The following TBC1D5 variants were observed in gnomAD, a reference collection of about 807,000 sequenced individuals.
TBC1D5 encodes TBC1 domain family member 5, also known as TBC1 domain family, member 5.
Under a neutral mutation model 100.3 loss-of-function variants are expected in TBC1D5, and 75 were observed. That is an observed-to-expected ratio of 0.75 (90% CI 0.62 to 0.91). The LOEUF is 0.91. TBC1D5 is among the 40% of genes least tolerant of loss of function. The pLI, the probability that TBC1D5 is intolerant of heterozygous loss-of-function variation, is 0.00. For synonymous variants in TBC1D5, 323 were observed against 325.6 expected (o/e 0.99, Z 0.09); for missense variants, 910 against 942.4 (o/e 0.97, Z 0.45).
intron 16 of TBC1D5, among the ~76,000 whole-genome samples, chr3:17,255,776 C>T (rs1175898758): frequency 3.3e-5 from 5 of 152,146 alleles, no homozygotes; most frequent in Admixed American, 6.5e-5. Flanking sequence ...CAGTGGCTCA[C>T]GCCTGCAATC....
At chr3:17,157,325 A>G (rs564714907) in exon 22 of TBC1D5, 2 of 152,392 alleles carry the variant, frequency 1.3e-5, no homozygotes, top group African/African-American at 2.4e-5. Flanking sequence ...AATCAAATGA[A>G]TTGTGCCACT....
intron 1 of TBC1D5, among the ~76,000 whole-genome samples, chr3:17,681,170 CG>C (rs2069410929): frequency 1.3e-5 from 2 of 151,638 alleles, no homozygotes; most frequent in African/African-American, 4.9e-5. Context: ...GGCTTCATAC[CG>C]TAACTAACTG....
At chr3:17,386,123 G>A (rs1213267119) in intron 8 of TBC1D5, among the ~76,000 whole-genome samples, 4 of 152,146 alleles carry the variant, frequency 2.6e-5, no homozygotes, top group East Asian at 1.9e-4. Context: ...ATTAAGCTAC[G>A]AATAGAATAA....
chr3:17,335,119 A>G (rs2087506188), intron 13 of TBC1D5, among the ~76,000 whole-genome samples: 1 of 152,168 alleles, frequency 6.6e-6, no homozygotes, highest in Non-Finnish European at 1.5e-5. Flanking sequence ...AATGGCAAAT[A>G]TTAATTTGAT....
intron 21 of TBC1D5, among the ~76,000 whole-genome samples, chr3:17,162,047 T>G (rs1484091332): frequency 1.3e-5 from 2 of 152,246 alleles, no homozygotes. Flanking sequence ...AAGTTAACAT[T>G]CACGAACACA....
intron 1 of TBC1D5, among the ~76,000 whole-genome samples, chr3:17,651,465 T>C (rs2065551792): frequency 6.6e-6 from 1 of 152,224 alleles, no homozygotes; most frequent in Non-Finnish European, 1.5e-5. Context: ...ATCTTCAAAA[T>C]GTTCCATACT....
chr3:17,214,305 T>C, exon 18 of TBC1D5: 23 of 1,613,364 alleles, frequency 1.4e-5, no homozygotes, highest in Non-Finnish European at 1.9e-5. Context: ...GGAGAGCCAG[T>C]GAATTCTCTT....
chr3:17,314,409 C>T (rs957150997), intron 13 of TBC1D5, among the ~76,000 whole-genome samples: 3 of 152,162 alleles, frequency 2.0e-5, no homozygotes, highest in Non-Finnish European at 4.4e-5. Context: ...CCTGAACATA[C>T]ATTCTAAGCA....
chr3:17,477,531 T>C (rs573664206), intron 3 of TBC1D5, among the ~76,000 whole-genome samples: 2 of 152,132 alleles, frequency 1.3e-5, no homozygotes, highest in African/African-American at 2.4e-5. Context: ...TCAATGGTTA[T>C]AGTATCACGC....
intron 16 of TBC1D5, among the ~76,000 whole-genome samples, chr3:17,240,980 G>A (rs1559473533): frequency 6.6e-6 from 1 of 152,124 alleles, no homozygotes. Flanking sequence ...GCTCTTAAAA[G>A]GGGATGAGCA....
intron 1 of TBC1D5, among the ~76,000 whole-genome samples, chr3:17,677,813 G>A (rs2068847466): frequency 6.6e-6 from 1 of 152,166 alleles, no homozygotes; most frequent in African/African-American, 2.4e-5. Flanking sequence ...ATACAATGCA[G>A]CCATAAAAAA....
chr3:17,443,371 ACG>A (rs2094710376), intron 3 of TBC1D5, among the ~76,000 whole-genome samples: 1 of 152,144 alleles, frequency 6.6e-6, no homozygotes, highest in Non-Finnish European at 1.5e-5. Context: ...GAACAATACC[ACG>A]TGCTGGATAC....
chr3:17,300,036 G>T (rs2082673861), intron 14 of TBC1D5, among the ~76,000 whole-genome samples: 1 of 151,824 alleles, frequency 6.6e-6, no homozygotes, highest in Admixed American at 6.6e-5. Flanking sequence ...TTTAAAAAAG[G>T]AAACATTAAA....
chr3:17,230,139 G>GT (rs946971007), intron 17 of TBC1D5, among the ~76,000 whole-genome samples: 30 of 151,598 alleles, frequency 2.0e-4, no homozygotes, highest in South Asian at 1.9e-3. Flanking sequence ...ACCATTTTTT[G>GT]TTTTTTTTGG....
intron 20 of TBC1D5, among the ~76,000 whole-genome samples, chr3:17,167,215 A>C (rs1278096490): frequency 1.3e-5 from 2 of 152,124 alleles, no homozygotes; most frequent in African/African-American, 4.8e-5. Flanking sequence ...AGGAAGCACA[A>C]TTTGCCTGTA....
intron 8 of TBC1D5, among the ~76,000 whole-genome samples, chr3:17,386,773 G>A (rs776986484): frequency 6.6e-6 from 1 of 152,090 alleles, no homozygotes; most frequent in African/African-American, 2.4e-5. Flanking sequence ...TTCACGAATC[G>A]TTCATTGCTC....
chr3:17,374,784 GAAA>G (rs1332051579), intron 10 of TBC1D5, 105 bp from the exon 11 acceptor site: 2 of 1,097,386 alleles, frequency 1.8e-6, no homozygotes, highest in Non-Finnish European at 2.6e-6. Context: ...ATATGCAAAC[GAAA>G]AAAATTAGTC....
chr3:17,375,516 G>A (rs770209900), intron 10 of TBC1D5, among the ~76,000 whole-genome samples: 1 of 151,472 alleles, frequency 6.6e-6, no homozygotes, highest in Admixed American at 6.6e-5. Context: ...GCAGTGAGCC[G>A]AGATAGCACT....
chr3:17,301,639 AATAGAGTATGACTAATG>A (rs1479788714), intron 14 of TBC1D5, among the ~76,000 whole-genome samples: 1 of 152,316 alleles, frequency 6.6e-6, no homozygotes, highest in East Asian at 1.9e-4. Context: ...AAAAATGTAA[AATAGAGTATGACTAATG>A]TAGCACTTAG....
Sources: gnomAD v4.1 joint callset for allele counts (sites outside exome capture counted in the v4.1 genomes callset) on GRCh38, gnomAD v4.1.1 for gene constraint, MANE v1.5 for transcripts, NCBI Gene and HGNC (gene_info 2026-07-23, HGNC 2026-07-21) for gene names.